CDH13: variants seen among roughly 807,000 people sequenced by gnomAD.
CDH13 encodes the protein cadherin-13.
In CDH13, 24 loss-of-function variants were observed where a neutral mutation model predicts 63.8. That is an observed-to-expected ratio of 0.38 (90% CI 0.27 to 0.53). The LOEUF (loss-of-function observed/expected upper bound fraction) is 0.53. CDH13 is among the 20% of genes least tolerant of loss of function. CDH13 has a pLI of 0.85. For missense variants in CDH13, 1,049 were observed against 903.1 expected, an observed-to-expected ratio of 1.16 and a Z score of -2.07; for synonymous variants, 503 against 355.3, an observed-to-expected ratio of 1.42 and a Z score of -4.67.
intron 7 of CDH13, among the ~76,000 whole-genome samples, chr16:83,583,848 G>A (rs967506471): frequency 1.3e-5 from 2 of 152,134 alleles, no homozygotes; most frequent in Non-Finnish European, 1.5e-5. Context: ...GCCCACGAGG[G>A]AGAGGTTGCA....
chr16:83,426,054 C>G (rs758197326), intron 6 of CDH13, among the ~76,000 whole-genome samples: 2 of 152,188 alleles, frequency 1.3e-5, no homozygotes, highest in Non-Finnish European at 2.9e-5. Flanking sequence ...CTCCCAACTT[C>G]TTAACTCCAA....
chr16:82,738,592 G>C (rs1597444847), intron 1 of CDH13, among the ~76,000 whole-genome samples: 1 of 152,284 alleles, frequency 6.6e-6, no homozygotes, highest in African/African-American at 2.4e-5. Context: ...TCTCCATGCT[G>C]TAACTAAACA....
At chr16:83,611,478 A>G (rs1353754290) in intron 8 of CDH13, among the ~76,000 whole-genome samples, 1 of 151,332 alleles carries the variant, frequency 6.6e-6, no homozygotes, top group Non-Finnish European at 1.5e-5. Flanking sequence ...CCACTTTATT[A>G]ATCTTTTCAA....
chr16:82,804,100 C>T (rs189200964), intron 1 of CDH13, among the ~76,000 whole-genome samples: 158 of 146,672 alleles, frequency 1.1e-3, no homozygotes, highest in Non-Finnish European at 1.9e-3. Flanking sequence ...TGGTGGTGCG[C>T]GCCTGTAGTC....
intron 8 of CDH13, among the ~76,000 whole-genome samples, chr16:83,622,485 C>T (rs1909908038): frequency 6.6e-6 from 1 of 152,178 alleles, no homozygotes; most frequent in Non-Finnish European, 1.5e-5. Flanking sequence ...TTAACTTTTC[C>T]ACACTTCAGT....
intron 1 of CDH13, among the ~76,000 whole-genome samples, chr16:82,757,858 A>T (rs1310401687): frequency 6.6e-6 from 1 of 151,926 alleles, no homozygotes; most frequent in East Asian, 1.9e-4. Context: ...ACCACGTTAC[A>T]CAAGATGGTC....
At chr16:83,371,188 C>G (rs531679597) in intron 6 of CDH13, among the ~76,000 whole-genome samples, 61 of 152,294 alleles carry the variant, frequency 4.0e-4, no homozygotes, top group African/African-American at 1.4e-3. Context: ...AGATATATAC[C>G]CAAATAAATA....
At chr16:83,022,039 A>G (rs561582400) in intron 2 of CDH13, among the ~76,000 whole-genome samples, 1 of 152,294 alleles carries the variant, frequency 6.6e-6, no homozygotes, top group South Asian at 2.1e-4. Flanking sequence ...TGTTTCTTCC[A>G]TTTGGACCAG....
chr16:82,702,025 A>G (rs1332117380), intron 1 of CDH13, among the ~76,000 whole-genome samples: 1 of 152,134 alleles, frequency 6.6e-6, no homozygotes, highest in Non-Finnish European at 1.5e-5. Context: ...TGCTTATGGC[A>G]CTCAAGGTGT....
At chr16:82,904,200 G>A (rs967682461) in intron 2 of CDH13, among the ~76,000 whole-genome samples, 7 of 152,110 alleles carry the variant, frequency 4.6e-5, no homozygotes, top group Non-Finnish European at 7.4e-5. Flanking sequence ...ATATAACTTG[G>A]CATCTTTTGT....
intron 5 of CDH13, among the ~76,000 whole-genome samples, chr16:83,341,881 G>T (rs2090730326): frequency 6.6e-6 from 1 of 151,952 alleles, no homozygotes; most frequent in African/African-American, 2.4e-5. Context: ...TTTTCCATGT[G>T]TTTTGTATGG....
intron 5 of CDH13, among the ~76,000 whole-genome samples, chr16:83,268,058 A>G (rs1295960395): frequency 1.3e-5 from 2 of 152,266 alleles, no homozygotes; most frequent in Non-Finnish European, 2.9e-5. Context: ...GTGGACACTG[A>G]CACACACAGG....
chr16:83,254,973 TTCTTTCTTTCTTTCTTTCTTTC>T (rs1906060781), intron 5 of CDH13, among the ~76,000 whole-genome samples: 2 of 19,394 alleles, frequency 1.0e-4, no homozygotes, highest in East Asian at 2.6e-3. Context: ...CTTTCTTTCT[TTCTTTCTTTCTTTCTTTCTTTC>T]TTTCTTTCTT....
intron 4 of CDH13, among the ~76,000 whole-genome samples, chr16:83,192,932 A>G (rs1567494527): frequency 6.6e-6 from 1 of 152,118 alleles, no homozygotes; most frequent in East Asian, 1.9e-4. Flanking sequence ...AAAACCACAG[A>G]AACAATTTCT....
At chr16:83,773,789 AGTAT>A (rs1914919926) in intron 11 of CDH13, among the ~76,000 whole-genome samples, 1 of 152,160 alleles carries the variant, frequency 6.6e-6, no homozygotes, top group Non-Finnish European at 1.5e-5. Flanking sequence ...GGTGAGCATT[AGTAT>A]ATGGTGATTC....
chr16:83,148,835 CTTT>C (rs1456062789), intron 4 of CDH13, among the ~76,000 whole-genome samples: 2 of 151,910 alleles, frequency 1.3e-5, no homozygotes, highest in Non-Finnish European at 2.9e-5. Context: ...AATATTTACT[CTTT>C]TTTAAAGACC....
At chr16:83,598,464 T>C (rs184377645) in intron 7 of CDH13, among the ~76,000 whole-genome samples, 2 of 152,330 alleles carry the variant, frequency 1.3e-5, no homozygotes, top group Admixed American at 1.3e-4. Flanking sequence ...AAACGATGTA[T>C]TCATAAAATG....
intron 4 of CDH13, among the ~76,000 whole-genome samples, chr16:83,141,300 C>A (rs866498626): frequency 6.6e-6 from 1 of 152,146 alleles, no homozygotes; most frequent in Admixed American, 6.5e-5. Context: ...TTTGCCTACA[C>A]CCAGTATTCT....
At chr16:83,034,625 C>T (rs978537567) in intron 3 of CDH13, among the ~76,000 whole-genome samples, 2 of 152,142 alleles carry the variant, frequency 1.3e-5, no homozygotes, top group Non-Finnish European at 2.9e-5. Context: ...GGGGTTTGCC[C>T]ATGGGCTTGA....
Sources: gnomAD v4.1 joint callset for allele counts (sites outside exome capture counted in the v4.1 genomes callset) on GRCh38, gnomAD v4.1.1 for gene constraint, MANE v1.5 for transcripts, NCBI Gene and HGNC (gene_info 2026-07-23, HGNC 2026-07-21) for gene names.